The following NRG3 variants were observed in gnomAD, a reference collection of about 807,000 sequenced individuals.
NRG3 encodes neuregulin 3.
Under a neutral mutation model 66.9 loss-of-function variants are expected in NRG3, and 31 were observed. The observed-to-expected ratio is 0.46, with a 90% CI of 0.35 to 0.63. The LOEUF (loss-of-function observed/expected upper bound fraction) is 0.63, where lower values mean the gene tolerates loss of function less well. Among genes scored for constraint, NRG3 ranks in the 20% least tolerant of loss-of-function variants. The probability of loss-of-function intolerance (pLI) is 0.00; values close to 1 mark genes in which losing one functional copy is unlikely to be tolerated. For missense variants in NRG3, 910 were observed against 878.9 expected (o/e 1.04, Z -0.45); for synonymous variants, 393 against 359.4 (o/e 1.09, Z -1.06).
chr10:82,856,501 T>C (rs1029249124), intron 3 of NRG3, among the ~76,000 whole-genome samples: 3 of 151,954 alleles, frequency 2.0e-5, no homozygotes, highest in African/African-American at 4.8e-5. Context: ...TCCCAGCACT[T>C]TGGGAGGCCA....
At chr10:82,343,317 A>C (rs2082781676) in intron 1 of NRG3, among the ~76,000 whole-genome samples, 1 of 152,132 alleles carries the variant, frequency 6.6e-6, no homozygotes, top group Non-Finnish European at 1.5e-5. Flanking sequence ...CAATCGTTAC[A>C]AAAAAATACA....
In NRG3 at chr10:82,047,034, C is replaced by T. The variant is rs1371862314; in HGVS notation, c.823+170871C>T. Among the ~76,000 whole-genome samples the T allele has an allele frequency of 1.6e-4, 24 of 147,702 alleles. No individual in the cohort carries two copies. The South Asian group carries it at 5.1e-3, about 31-fold the overall frequency. ...AGGATATTGGTCTAAAATTCTCTTTCTTGGTTGTGTCTCTGCCAGGCTTTG... is the reference window on the plus strand; with the variant it reads ...AGGATATTGGTCTAAAATTCTCTTTTTTGGTTGTGTCTCTGCCAGGCTTTG... On this transcript the variant is annotated intron_variant, in intron 1 of 8. Coordinates refer to ENST00000372141, the MANE Select transcript of NRG3 (RefSeq NM_001010848.4).
At chr10:82,244,143 A>AT (rs926405439) in intron 1 of NRG3, among the ~76,000 whole-genome samples, 6 of 151,938 alleles carry the variant, frequency 3.9e-5, no homozygotes, top group African/African-American at 1.2e-4. Context: ...CACCATTGTG[A>AT]TTTTTTTTCC....
At chr10:82,417,139 A>G (rs926581135) in intron 2 of NRG3, among the ~76,000 whole-genome samples, 2 of 152,196 alleles carry the variant, frequency 1.3e-5, no homozygotes, top group African/African-American at 4.8e-5. Context: ...CAAATATTTT[A>G]TACACTAAAT....
chr10:82,396,575 A>T (rs774611053), intron 2 of NRG3, among the ~76,000 whole-genome samples: 3 of 152,220 alleles, frequency 2.0e-5, no homozygotes, highest in African/African-American at 7.2e-5. Context: ...CCAATCGCTG[A>T]CTGACTTAGA....
intron 2 of NRG3, among the ~76,000 whole-genome samples, chr10:82,454,456 A>C (rs987959297): frequency 6.6e-6 from 1 of 152,244 alleles, no homozygotes; most frequent in Non-Finnish European, 1.5e-5. Flanking sequence ...AGTTAAAAAA[A>C]ATAAAAAAAT....
chr10:82,917,822 A>G (rs1845990135), intron 4 of NRG3, among the ~76,000 whole-genome samples: 1 of 152,022 alleles, frequency 6.6e-6, no homozygotes, highest in Non-Finnish European at 1.5e-5. Context: ...AATTTAACAG[A>G]AACAATTCCT....
intron 2 of NRG3, among the ~76,000 whole-genome samples, chr10:82,569,097 C>T (rs531631225): frequency 8.6e-5 from 13 of 151,666 alleles, no homozygotes; most frequent in South Asian, 6.2e-4. Flanking sequence ...ATATTATAGT[C>T]ATTTTTATAT....
chr10:82,819,235 T>G (rs567712537), intron 3 of NRG3, among the ~76,000 whole-genome samples: 3 of 152,212 alleles, frequency 2.0e-5, no homozygotes, highest in Non-Finnish European at 4.4e-5. Context: ...AGTTTGATAT[T>G]CACAAGAACT....
Position 82,648,731 on chromosome 10 carries a change from A to G in NRG3, c.954-89846A>G, listed in dbSNP as rs1370636466. On this transcript the variant is annotated intron_variant, in intron 2 of 8. Transcript: ENST00000372141. ...TGAAGAGGTCCTTCACGTCCCTTGT[A>G]AGTTGGATTCCTAGGTATTTTATTC... Among the ~76,000 whole-genome samples the G allele has an allele frequency of 2.0e-5, 3 of 152,018 alleles. No individual in the cohort carries two copies. The East Asian group carries it at 5.8e-4, about 29-fold the overall frequency.
chr10:82,724,882 A>G (rs1024048264), intron 2 of NRG3, among the ~76,000 whole-genome samples: 1 of 152,098 alleles, frequency 6.6e-6, no homozygotes, highest in Non-Finnish European at 1.5e-5. Flanking sequence ...TTTTCTTTTC[A>G]TTCTTCCTGA....
chr10:82,666,434 T>C (rs573303881), intron 2 of NRG3, among the ~76,000 whole-genome samples: 1 of 152,342 alleles, frequency 6.6e-6, no homozygotes, highest in South Asian at 2.1e-4. Flanking sequence ...GGTATGCTTC[T>C]CAGAGTGAGA....
At chr10:81,927,674 G>C (rs1233907998) in intron 1 of NRG3, among the ~76,000 whole-genome samples, 2 of 152,108 alleles carry the variant, frequency 1.3e-5, no homozygotes, top group African/African-American at 4.8e-5. Flanking sequence ...CTTGCCTTTA[G>C]TTTCCCCTAA....
At chr10:82,077,796 A>T (rs762929766) in intron 1 of NRG3, among the ~76,000 whole-genome samples, 1 of 152,224 alleles carries the variant, frequency 6.6e-6, no homozygotes, top group Non-Finnish European at 1.5e-5. Flanking sequence ...TATTGAGACT[A>T]TGTATTTAGA....
chr10:82,802,671 G>C (rs1040424911), intron 3 of NRG3, among the ~76,000 whole-genome samples: 2 of 151,398 alleles, frequency 1.3e-5, no homozygotes, highest in Non-Finnish European at 2.9e-5. Flanking sequence ...TAAATTTTTT[G>C]AGACAAGATC....
chr10:82,245,996 T>TG (rs1435250576), intron 1 of NRG3, among the ~76,000 whole-genome samples: 3 of 150,842 alleles, frequency 2.0e-5, no homozygotes, highest in Admixed American at 6.6e-5. Flanking sequence ...TTTTTTTTTT[T>TG]TTTTTAACTC....
intron 2 of NRG3, among the ~76,000 whole-genome samples, chr10:82,644,718 G>A (rs566264994): frequency 3.9e-5 from 6 of 152,228 alleles, no homozygotes; most frequent in South Asian, 4.1e-4. Flanking sequence ...GTCTATGGAC[G>A]GGGATGATTT....
At chr10:82,027,593 G>T (rs955274516) in intron 1 of NRG3, among the ~76,000 whole-genome samples, 1 of 152,100 alleles carries the variant, frequency 6.6e-6, no homozygotes, top group Non-Finnish European at 1.5e-5. Context: ...TTTAAATGCT[G>T]CTTGGATATT....
At chr10:82,809,328 A>T (rs1401138166) in intron 3 of NRG3, among the ~76,000 whole-genome samples, 3 of 152,060 alleles carry the variant, frequency 2.0e-5, no homozygotes, top group African/African-American at 2.4e-5. Flanking sequence ...TTCAACACTC[A>T]TTCTTCTTCT....
Sources: gnomAD v4.1 joint callset for allele counts (sites outside exome capture counted in the v4.1 genomes callset) on GRCh38, gnomAD v4.1.1 for gene constraint, MANE v1.5 for transcripts, NCBI Gene and HGNC (gene_info 2026-07-23, HGNC 2026-07-21) for gene names.